RPS6KA3: variants seen among roughly 807,000 people sequenced by gnomAD.
The protein encoded by RPS6KA3 is ribosomal protein S6 kinase alpha-3.
RPS6KA3 carries 4 observed loss-of-function variants against 67.2 expected under a neutral mutation model. That is an observed-to-expected ratio of 0.06 (90% CI 0.03 to 0.14). The LOEUF (loss-of-function observed/expected upper bound fraction) is 0.14, where lower values mean the gene tolerates loss of function less well. RPS6KA3 is among the 10% of genes least tolerant of loss of function. The pLI is 1.00. For missense variants in RPS6KA3, 204 were observed against 559.0 expected, an observed-to-expected ratio of 0.36 and a Z score of 6.40; for synonymous variants, 182 against 183.7, an observed-to-expected ratio of 0.99 and a Z score of 0.07.
chrX:20,251,754 T>A, intron 1 of RPS6KA3, among the ~76,000 whole-genome samples: 1 of 112,994 alleles, frequency 8.9e-6, no homozygotes, highest in Non-Finnish European at 1.9e-5. Context: ...TGAAACTCTG[T>A]ATCTATTAGA....
chrX:20,259,810 C>T (rs1284885761), intron 1 of RPS6KA3, among the ~76,000 whole-genome samples: 1 of 111,483 alleles, frequency 9.0e-6, no homozygotes, highest in East Asian at 2.8e-4. Context: ...TTATTTAATG[C>T]CACATTTCCC....
rs1773140473 is a variant in RPS6KA3 at position 20,154,908 on chromosome X, T to C, written c.*490A>G. ...GGCATGTATACATTAAAGAAAGCAGTACAGAAATGTACTGTATATGAACTG... is the reference window on the plus strand; with the variant it reads ...GGCATGTATACATTAAAGAAAGCAGCACAGAAATGTACTGTATATGAACTG... On this transcript the variant is annotated 3_prime_UTR_variant, in exon 22 of 22. Transcript: ENST00000379565. 1 of 136,534 alleles carries C rather than the reference T, an allele frequency of 7.3e-6. No homozygotes were observed. The highest frequency in any genetic ancestry group is 3.2e-5 in the African/African-American group (1 of 31,563). 11.3% of individuals were successfully genotyped at this position (136,534 alleles called of 1,213,427 possible).
At chrX:20,199,227 T>C (rs1348891182) in intron 4 of RPS6KA3, among the ~76,000 whole-genome samples, 1 of 111,929 alleles carries the variant, frequency 8.9e-6, no homozygotes, top group African/African-American at 3.3e-5. Flanking sequence ...TTCTATAGTG[T>C]CTGGGATTTC....
chrX:20,173,897 A>G (rs763923688), intron 14 of RPS6KA3, among the ~76,000 whole-genome samples: 1 of 112,838 alleles, frequency 8.9e-6, no homozygotes, highest in Admixed American at 9.4e-5. Flanking sequence ...TTCAAAAGAT[A>G]TATCGAGTTC....
intron 2 of RPS6KA3, among the ~76,000 whole-genome samples, chrX:20,229,765 C>T (rs991012034): frequency 2.7e-5 from 3 of 110,482 alleles, no homozygotes; most frequent in African/African-American, 6.6e-5. Context: ...TATTAAATAC[C>T]AGGCTTTTAT....
At chrX:20,215,419 G>C (rs2068825775) in intron 2 of RPS6KA3, among the ~76,000 whole-genome samples, 1 of 111,133 alleles carries the variant, frequency 9.0e-6, no homozygotes, top group South Asian at 3.7e-4. Context: ...TGGCAAGTTT[G>C]GCATTGGCTC....
chrX:20,179,323 A>C (rs1423365838), intron 10 of RPS6KA3, among the ~76,000 whole-genome samples: 1 of 111,454 alleles, frequency 9.0e-6, no homozygotes, highest in Non-Finnish European at 1.9e-5. Context: ...CACAGGTCTA[A>C]TGCCTGGTAA....
rs1363971541 is a variant in RPS6KA3 at position 20,151,542 on chromosome X, A to C, written c.*3856T>G. ...GGACTAGATTGAAACCTCCTGGTTT[A>C]AGCACCAAGGTCAGCCATGGAATCC... On this transcript the variant is annotated 3_prime_UTR_variant, in exon 22 of 22. Transcript: ENST00000379565. 1 of 112,602 alleles carries C rather than the reference A, an allele frequency of 8.9e-6. No individual in the cohort carries two copies. Among genetic ancestry groups the C allele is most frequent in the East Asian group, 2.8e-4 (1 of 3,605 alleles). 9.3% of individuals were successfully genotyped at this position (112,602 alleles called of 1,213,427 possible). A position where few individuals can be genotyped will look rare whatever the true frequency, so the allele number is the denominator to read the frequency against.
chrX:20,201,962 G>T (rs746934462), intron 4 of RPS6KA3, among the ~76,000 whole-genome samples: 16 of 107,793 alleles, frequency 1.5e-4, no homozygotes, highest in African/African-American at 5.4e-4. Flanking sequence ...CTTGCTCAGG[G>T]GTATTTCTTT....
chrX:20,213,859 T>C (rs1053796325), intron 2 of RPS6KA3, among the ~76,000 whole-genome samples: 8 of 110,533 alleles, frequency 7.2e-5, no homozygotes, highest in Non-Finnish European at 1.5e-4. Flanking sequence ...TGACAATATA[T>C]GGTTCAAATG....
chrX:20,188,966 G>T (rs1002550776), intron 7 of RPS6KA3, among the ~76,000 whole-genome samples: 1 of 112,045 alleles, frequency 8.9e-6, no homozygotes, highest in Non-Finnish European at 1.9e-5. Context: ...GGAGAATAGG[G>T]TATCACTATG....
chrX:20,169,991 C>T (rs897975860), intron 15 of RPS6KA3, among the ~76,000 whole-genome samples: 1 of 112,195 alleles, frequency 8.9e-6, no homozygotes, highest in Non-Finnish European at 1.9e-5. Context: ...CTGTAAGCTA[C>T]TTATAAAAGC....
chrX:20,242,816 G>A (rs1025667977), intron 1 of RPS6KA3, among the ~76,000 whole-genome samples: 16 of 110,891 alleles, frequency 1.4e-4, no homozygotes, highest in African/African-American at 4.3e-4. Flanking sequence ...AATGTTTATC[G>A]GAGGGTGGTT....
At chrX:20,262,183 T>C (rs779144369) in intron 1 of RPS6KA3, among the ~76,000 whole-genome samples, 27 of 111,950 alleles carry the variant, frequency 2.4e-4, no homozygotes, top group Non-Finnish European at 9.4e-5. Context: ...ATTCACAGCC[T>C]GGCAGATCAC....
At chrX:20,187,751 A>T in intron 9 of RPS6KA3, 77 bp downstream of exon 9, 1 of 831,446 alleles carries the variant, frequency 1.2e-6, no homozygotes, top group Non-Finnish European at 1.8e-6. Flanking sequence ...TAAAAACACC[A>T]GTTTCTTTAA....
intron 1 of RPS6KA3, 100 bp downstream of exon 1, chrX:20,266,464 G>T: frequency 1.5e-6 from 1 of 682,159 alleles, no homozygotes; most frequent in Non-Finnish European, 2.2e-6. Context: ...AGACGCGAGC[G>T]GGATCAGAAC....
chrX:20,249,149 T>C (rs2069789777), intron 1 of RPS6KA3, among the ~76,000 whole-genome samples: 1 of 112,386 alleles, frequency 8.9e-6, no homozygotes, highest in African/African-American at 3.2e-5. Flanking sequence ...CGACAATTCA[T>C]TCCTTTTTAG....
intron 19 of RPS6KA3, among the ~76,000 whole-genome samples, chrX:20,162,229 G>A (rs183363466): frequency 6.5e-5 from 7 of 107,603 alleles, no homozygotes; most frequent in East Asian, 2.9e-4. Flanking sequence ...CCAGCTATTC[G>A]GGAGGCTGAG....
chrX:20,253,551 G>GTCTACAGTGTTT (rs2069946354), intron 1 of RPS6KA3, among the ~76,000 whole-genome samples: 1 of 110,807 alleles, frequency 9.0e-6, no homozygotes, highest in Non-Finnish European at 1.9e-5. Flanking sequence ...TGTTTGTTAT[G>GTCTACAGTGTTT]TCTACAGTGT....
Sources: allele counts gnomAD v4.1 joint callset (sites outside exome capture counted in the v4.1 genomes callset), GRCh38; gene constraint gnomAD v4.1.1; transcripts MANE v1.5; gene names NCBI Gene and HGNC (gene_info 2026-07-23, HGNC 2026-07-21).